Variants in MACROD1 observed in about 807,000 individuals in gnomAD.
MACROD1 encodes the protein mono-ADP ribosylhydrolase 1.
In MACROD1, 31 loss-of-function variants were observed where a neutral mutation model predicts 41.4. The ratio of observed to expected loss-of-function variants is 0.75; its 90% CI spans 0.56 to 1.01. The LOEUF is 1.01. MACROD1 is among the 50% of genes least tolerant of loss of function. The pLI is 0.00. For missense variants in MACROD1, 473 were observed against 460.0 expected (o/e 1.03, Z -0.26); for synonymous variants, 252 against 203.4 (o/e 1.24, Z -2.03).
intron 3 of MACROD1, among the ~76,000 whole-genome samples, chr11:64,062,128 G>T (rs962001539): frequency 6.6e-6 from 1 of 151,850 alleles, no homozygotes; most frequent in African/African-American, 2.4e-5. Context: ...CCTCTCCTCC[G>T]CAAGGCCTTC....
chr11:64,068,503 C>A (rs1479247866), intron 3 of MACROD1, among the ~76,000 whole-genome samples: 1 of 152,208 alleles, frequency 6.6e-6, no homozygotes, highest in Non-Finnish European at 1.5e-5. Flanking sequence ...AACATGAGGT[C>A]CTAGGATAAC....
At position 64,120,760 on chromosome 11, in the gene MACROD1, G is replaced by A. The variant is rs2134634040; in HGVS notation, c.517+30479C>T. 6.6e-6 allele frequency among the ~76,000 whole-genome samples: 1 copy of A among 152,102 alleles called. No homozygotes were observed. The highest frequency in any genetic ancestry group is 1.9e-4 in the East Asian group (1 of 5,164). On this transcript the variant is annotated intron_variant, in intron 3 of 10. Coordinates refer to ENST00000255681, the MANE Select transcript of MACROD1 (RefSeq NM_014067.4). The surrounding 1 kb of genome is among the most constrained non-coding windows in gnomAD (Gnocchi z 4.5). Reference sequence around the variant, plus strand: ...ATGAGCAGAAGGGCCCACCTGGGATGTCTGGGAGGAGAGCGTGCCCGAGGT... The same window carrying A: ...ATGAGCAGAAGGGCCCACCTGGGATATCTGGGAGGAGAGCGTGCCCGAGGT...
intron 3 of MACROD1, chr11:64,138,628 A>C (rs552604056): frequency 7.4e-6 from 6 of 808,062 alleles, no homozygotes; most frequent in Non-Finnish European, 9.0e-6. Flanking sequence ...TCTCTCCCCA[A>C]CTGCGATGCC....
chr11:64,114,466 T>C (rs1210842209), intron 3 of MACROD1, among the ~76,000 whole-genome samples: 1 of 149,694 alleles, frequency 6.7e-6, no homozygotes, highest in Non-Finnish European at 1.5e-5. Flanking sequence ...GATGGATAGA[T>C]GGATGGATGG....
At chr11:64,009,488 C>A (rs1354932100) in intron 4 of MACROD1, among the ~76,000 whole-genome samples, 1 of 152,202 alleles carries the variant, frequency 6.6e-6, no homozygotes, top group Admixed American at 6.5e-5. Context: ...AGCCTCCTAC[C>A]AAACTGGGTC....
chr11:64,144,724 C>G (rs1232910656), intron 3 of MACROD1, among the ~76,000 whole-genome samples: 1 of 152,248 alleles, frequency 6.6e-6, no homozygotes, highest in Non-Finnish European at 1.5e-5. Flanking sequence ...ACAGCCAGCC[C>G]TGGACTCGTC....
intron 3 of MACROD1, among the ~76,000 whole-genome samples, chr11:64,099,713 G>A (rs1348882695): frequency 6.6e-6 from 1 of 151,160 alleles, no homozygotes; most frequent in African/African-American, 2.4e-5. Context: ...GAAGGATGGA[G>A]AGATAGATGG....
At chr11:64,165,523 C>T (rs1332183107) in intron 1 of MACROD1, among the ~76,000 whole-genome samples, 174 bp downstream of exon 1, 1 of 148,776 alleles carries the variant, frequency 6.7e-6, no homozygotes, top group African/African-American at 2.5e-5. Flanking sequence ...GGAACACGCG[C>T]GGGGGCGGGG....
rs1179072522 is a variant in MACROD1, at chr11:64,067,475, G to A, written c.518-52194C>T. On this transcript the variant is annotated intron_variant, in intron 3 of 10. Transcript: ENST00000255681. The surrounding 1 kb of genome is among the most constrained non-coding windows in gnomAD (Gnocchi z 4.6). Reference sequence around the variant, plus strand: ...GCACAGACGCCCAGCTCAGATAACAGAAGGGAGGAGATAGGTCGGGGACGG... The same window carrying A: ...GCACAGACGCCCAGCTCAGATAACAAAAGGGAGGAGATAGGTCGGGGACGG... Among the ~76,000 whole-genome samples the A allele has an allele frequency of 6.6e-6, 1 of 152,136 alleles. No individual in the cohort carries two copies. The highest frequency in any genetic ancestry group is 1.5e-5 in the Non-Finnish European group (1 of 68,006).
At chr11:64,054,005 GACTCCTT>G (rs2134419173) in intron 3 of MACROD1, among the ~76,000 whole-genome samples, 1 of 152,254 alleles carries the variant, frequency 6.6e-6, no homozygotes. Context: ...TGATCTAGTT[GACTCCTT>G]GCTCCCACGT....
At chr11:64,156,910 C>T (rs1945676901) in intron 1 of MACROD1, among the ~76,000 whole-genome samples, 1 of 152,220 alleles carries the variant, frequency 6.6e-6, no homozygotes, top group African/African-American at 2.4e-5. Context: ...CTGGCTGATC[C>T]CCAAAGAGCT....
chr11:64,012,949 C>T (rs553813570), intron 4 of MACROD1, among the ~76,000 whole-genome samples: 1 of 152,294 alleles, frequency 6.6e-6, no homozygotes, highest in East Asian at 1.9e-4. Context: ...GATCCTCCTA[C>T]CTCAGCCTCC....
intron 4 of MACROD1, chr11:64,001,418 C>T (rs747361506): frequency 4.3e-6 from 3 of 702,274 alleles, no homozygotes; most frequent in South Asian, 1.5e-5. Context: ...TGCTCACAGG[C>T]GGGCATCAAG....
chr11:64,076,005 A>T (rs1944194000), intron 3 of MACROD1, among the ~76,000 whole-genome samples: 1 of 152,160 alleles, frequency 6.6e-6, no homozygotes, highest in African/African-American at 2.4e-5. Context: ...CTGCTACCTC[A>T]GGCTGGGGTG....
intron 8 of MACROD1, 65 bp from the exon 9 acceptor site, chr11:63,999,101 C>T (rs1419836416): frequency 6.8e-6 from 10 of 1,475,790 alleles, no homozygotes; most frequent in Non-Finnish European, 8.2e-6. Flanking sequence ...CTGTGACTGC[C>T]TGCCCTGGTG....
At chr11:64,160,597 G>T (rs1945738998) in intron 1 of MACROD1, among the ~76,000 whole-genome samples, 1 of 152,094 alleles carries the variant, frequency 6.6e-6, no homozygotes, top group Admixed American at 6.5e-5. Flanking sequence ...GATCACTTGA[G>T]CCCAGGAGTT....
intron 1 of MACROD1, among the ~76,000 whole-genome samples, chr11:64,155,662 C>T (rs776899770): frequency 7.2e-4 from 109 of 152,058 alleles, no homozygotes; most frequent in Non-Finnish European, 1.0e-3. Flanking sequence ...ACTTTTTTTT[C>T]CAACTTGGGG....
intron 3 of MACROD1, among the ~76,000 whole-genome samples, chr11:64,115,832 T>C (rs896034131): frequency 6.6e-6 from 1 of 152,190 alleles, no homozygotes; most frequent in African/African-American, 2.4e-5. Context: ...CTGGTACCTT[T>C]AGCGTTGGCC....
intron 3 of MACROD1, among the ~76,000 whole-genome samples, chr11:64,143,976 A>T (rs1438370549): frequency 1.3e-5 from 2 of 151,922 alleles, no homozygotes; most frequent in African/African-American, 4.8e-5. Context: ...TGCAGCCTAG[A>T]CCTAGAGGGA....
Sources: allele counts gnomAD v4.1 joint callset (sites outside exome capture counted in the v4.1 genomes callset), GRCh38; gene constraint gnomAD v4.1.1; non-coding constraint Gnocchi (gnomAD v3.1); transcripts MANE v1.5; gene names NCBI Gene and HGNC (gene_info 2026-07-23, HGNC 2026-07-21).